The following MUC13 variants were observed in gnomAD, a reference collection of about 807,000 sequenced individuals.
MUC13 encodes mucin-13.
A neutral mutation model predicts 48.3 loss-of-function variants in MUC13; 32 were observed. The ratio of observed to expected loss-of-function variants is 0.66; its 90% CI spans 0.50 to 0.89. The LOEUF is 0.89. Ranked by LOEUF, MUC13 falls within the 40% of genes least tolerant of loss-of-function variation. MUC13 has a pLI of 0.00. For missense variants in MUC13, 571 were observed against 622.8 expected, an observed-to-expected ratio of 0.92 and a Z score of 0.88; for synonymous variants, 199 against 224.9, an observed-to-expected ratio of 0.88 and a Z score of 1.03.
chr3:124,918,592 G>A (rs1350247626), intron 5 of MUC13, among the ~76,000 whole-genome samples: 2 of 152,204 alleles, frequency 1.3e-5, no homozygotes, highest in Non-Finnish European at 2.9e-5. Context: ...CTCCAGGGAA[G>A]TTGATCAGAT....
intron 6 of MUC13, among the ~76,000 whole-genome samples, chr3:124,915,027 T>A (rs1396021649): frequency 6.6e-6 from 1 of 152,108 alleles, no homozygotes; most frequent in Non-Finnish European, 1.5e-5. Flanking sequence ...ATTAGGAGAA[T>A]GGTGGATGCG....
chr3:124,909,364 G>C (rs1164900207), intron 10 of MUC13, among the ~76,000 whole-genome samples: 2 of 152,080 alleles, frequency 1.3e-5, no homozygotes, highest in African/African-American at 4.8e-5. Context: ...CCCTGTTAAT[G>C]GGGGGACTTT....
Position 124,927,787 on chromosome 3 carries a change from G to T in MUC13, c.259C>A (p.Pro87Thr). Residue 87 changes from proline (P) to threonine (T), a missense_variant, in exon 2 of 12, where the codon CCC becomes ACC. Coordinates refer to ENST00000616727, the MANE Select transcript of MUC13 (RefSeq NM_033049.4). The stretch of plus-strand genomic sequence containing the variant: ...GAACTATGTGTACTAATTATGGGGG[G>T]AGCAGGTGTAGGAATTGTGGAGGAA... Reference protein sequence around the residue: ...HSSSTIPTPAPPIISTHSSST... With the variant: ...HSSSTIPTPATPIISTHSSST... 1 of 1,612,822 alleles carries T rather than the reference G, an allele frequency of 6.2e-7. No homozygotes were observed. Among genetic ancestry groups the T allele is most frequent in the East Asian group, 2.2e-5 (1 of 44,844 alleles).
chr3:124,928,910 G>T (rs564036535), intron 1 of MUC13, among the ~76,000 whole-genome samples: 103 of 152,260 alleles, frequency 6.8e-4, no homozygotes, highest in African/African-American at 2.4e-3. Context: ...GGGAGGGAAA[G>T]GTTAGGGTTG....
intron 10 of MUC13, among the ~76,000 whole-genome samples, chr3:124,908,784 A>C (rs1935367777): frequency 6.6e-6 from 1 of 152,232 alleles, no homozygotes; most frequent in Admixed American, 6.5e-5. Flanking sequence ...AAATAATTTG[A>C]GATACAGCAT....
intron 1 of MUC13, among the ~76,000 whole-genome samples, chr3:124,933,613 G>T (rs1455036899): frequency 2.6e-5 from 4 of 152,118 alleles, no homozygotes; most frequent in Non-Finnish European, 5.9e-5. Flanking sequence ...CCCCTCAACA[G>T]AATTCCTCTT....
chr3:124,926,465 G>A (rs147756231), intron 2 of MUC13, among the ~76,000 whole-genome samples: 302 of 152,282 alleles, frequency 2.0e-3, no homozygotes, highest in African/African-American at 6.9e-3. Flanking sequence ...CTTCAGAGTG[G>A]CCCCTCCAAA....
At chr3:124,915,043 A>G (rs1429497979) in intron 6 of MUC13, among the ~76,000 whole-genome samples, 2 of 152,250 alleles carry the variant, frequency 1.3e-5, no homozygotes, top group Non-Finnish European at 2.9e-5. Context: ...ATGCGGGCCC[A>G]GGAAGAAGGG....
At chr3:124,929,234 G>C (rs1935751464) in intron 1 of MUC13, among the ~76,000 whole-genome samples, 1 of 150,244 alleles carries the variant, frequency 6.7e-6, no homozygotes, top group African/African-American at 2.5e-5. Flanking sequence ...GGAGTGCAGT[G>C]GTGCCATAAT....
At chr3:124,913,507 A>G in intron 7 of MUC13, 55 bp downstream of exon 7, 3 of 1,610,704 alleles carry the variant, frequency 1.9e-6, no homozygotes, top group Non-Finnish European at 2.5e-6. Flanking sequence ...TTTATGTTGC[A>G]AAAGAAGAGA....
chr3:124,934,180 C>A (rs1484497080), intron 1 of MUC13, among the ~76,000 whole-genome samples: 1 of 152,090 alleles, frequency 6.6e-6, no homozygotes, highest in Non-Finnish European at 1.5e-5. Flanking sequence ...CTTCTTCCCC[C>A]CACCCCTACA....
intron 6 of MUC13, among the ~76,000 whole-genome samples, chr3:124,915,168 C>G (rs555786336): frequency 1.2e-4 from 19 of 152,274 alleles, no homozygotes; most frequent in Non-Finnish European, 2.4e-4. Context: ...CTGCAAACAC[C>G]TCTTCCCGGG....
In MUC13 at chr3:124,928,012, C is replaced by T. The variant is rs1242558142; in HGVS notation, c.53-19G>A. On this transcript the variant is annotated intron_variant, in intron 1 of 11. Transcript: ENST00000616727. ...TTGGTGGCTGGAGGAACAAAGATAC[C>T]AAGTTTGAGGAGACAGTACATTGAA... The T allele has an allele frequency of 2.0e-6, 3 of 1,506,670 alleles. No individual in the cohort carries two copies. The highest frequency in any genetic ancestry group is 1.4e-5 in the African/African-American group (1 of 71,840). 93.3% of individuals were successfully genotyped at this position (1,506,670 alleles called of 1,614,324 possible). A position where few individuals can be genotyped will look rare whatever the true frequency, so the allele number is the denominator to read the frequency against.
chr3:124,914,492 A>G (rs368078981), intron 6 of MUC13, among the ~76,000 whole-genome samples: 35 of 152,260 alleles, frequency 2.3e-4, no homozygotes, highest in African/African-American at 8.4e-4. Flanking sequence ...GCTCCTCTCT[A>G]CTAAACATCC....
intron 1 of MUC13, 88 bp from the exon 2 acceptor site, chr3:124,928,081 T>TC: frequency 2.1e-6 from 2 of 952,368 alleles, no homozygotes; most frequent in Non-Finnish European, 2.9e-6. Context: ...TCCAACTCAT[T>TC]CTTTTTTTTT....
At chr3:124,930,903 T>C (rs560677236) in intron 1 of MUC13, among the ~76,000 whole-genome samples, 1 of 152,364 alleles carries the variant, frequency 6.6e-6, no homozygotes, top group East Asian at 1.9e-4. Context: ...TTTTGCCTGT[T>C]AAAGGCTCTT....
intron 8 of MUC13, 75 bp downstream of exon 8, chr3:124,913,036 T>C: frequency 1.9e-6 from 3 of 1,551,656 alleles, no homozygotes; most frequent in Non-Finnish European, 2.6e-6. Flanking sequence ...TCAACACCTA[T>C]ATACGTGTTG....
At chr3:124,907,726 AC>A (rs1248696369) in intron 11 of MUC13, among the ~76,000 whole-genome samples, 1 of 152,088 alleles carries the variant, frequency 6.6e-6, no homozygotes. Flanking sequence ...TTGCCTTTAC[AC>A]AGCCTGGTGA....
Position 124,927,543 on chromosome 3 carries a change from A to C in MUC13, c.503T>G (p.Leu168Arg). 1 of 1,613,984 alleles carries C rather than the reference A, an allele frequency of 6.2e-7. No homozygotes were observed. The highest frequency in any genetic ancestry group is 8.5e-7 in the Non-Finnish European group (1 of 1,179,940). The change falls in exon 2 of 12, where the codon CTA becomes CGA. Residue 168 changes from leucine (L) to arginine (R), a missense_variant. Leu to Arg is a moderately radical substitution (Grantham distance 102). Coordinates refer to ENST00000616727, the MANE Select transcript of MUC13 (RefSeq NM_033049.4). ...GGAATTGTCCTTACCTGTGCTGTTT[A>C]GGGTGCTGGTCTCCAATAAAGCGGT... is the stretch of plus-strand genomic sequence containing the variant. ...TGTALLETSTLNSTGPSNPCQ... is the reference protein window; with the variant it reads ...TGTALLETSTRNSTGPSNPCQ...
Sources: allele counts gnomAD v4.1 joint callset (sites outside exome capture counted in the v4.1 genomes callset), GRCh38; gene constraint gnomAD v4.1.1; transcripts MANE v1.5; gene names NCBI Gene and HGNC (gene_info 2026-07-23, HGNC 2026-07-21).